AMY2B: variants seen among roughly 807,000 people sequenced by gnomAD.
AMY2B encodes amylase alpha 2B.
In AMY2B, 63 loss-of-function variants were observed where a neutral mutation model predicts 59.3. The observed-to-expected ratio is 1.06, with a 90% CI of 0.87 to 1.31. The LOEUF (loss-of-function observed/expected upper bound fraction) is 1.31, where lower values mean the gene tolerates loss of function less well. AMY2B is among the 50% of genes most tolerant of loss of function. AMY2B has a pLI of 0.00. For missense variants in AMY2B, 635 were observed against 626.7 expected, an observed-to-expected ratio of 1.01 and a Z score of -0.14; for synonymous variants, 180 against 198.1, an observed-to-expected ratio of 0.91 and a Z score of 0.77.
intron 2 of AMY2B, among the ~76,000 whole-genome samples, chr1:103,572,826 G>A (rs79395614): frequency 6.6e-6 from 1 of 152,104 alleles, no homozygotes; most frequent in African/African-American, 2.4e-5. Context: ...ATTTATGGTA[G>A]TTTCTGGTTC....
At chr1:103,571,222 C>G, upstream of AMY2B, 2 of 663,656 alleles carry the variant, frequency 3.0e-6, no homozygotes, top group African/African-American at 1.9e-5. Flanking sequence ...GCATTTATAC[C>G]TATAAATGTA....
In AMY2B at chr1:103,575,556, G is replaced by T. The variant is rs760465754; in HGVS notation, c.1101+16G>T. ...AAATGGAAACGTAAGTTTTGAAATT[G>T]TTCAAACTATCCTTTTCTCAAGAAA... On this transcript the variant is annotated intron_variant, in intron 7 of 9. Transcript: ENST00000684275. 3 of 1,612,900 alleles carry T rather than the reference G, an allele frequency of 1.9e-6. No homozygotes were observed. Among genetic ancestry groups the T allele is most frequent in the Non-Finnish European group, 2.5e-6 (3 of 1,179,510 alleles).
At chr1:103,571,085 G>A, upstream of AMY2B, 2 of 855,236 alleles carry the variant, frequency 2.3e-6, no homozygotes, top group African/African-American at 1.8e-5. Context: ...TCCTTAACCA[G>A]TTGTTTCTGT....
intron 1 of AMY2B, among the ~76,000 whole-genome samples, chr1:103,558,920 G>T (rs541858452): frequency 6.6e-6 from 1 of 151,756 alleles, no homozygotes; most frequent in South Asian, 2.1e-4. Context: ...AGTTTTTTTC[G>T]TCATTATTTT....
intron 1 of AMY2B, among the ~76,000 whole-genome samples, chr1:103,560,092 G>A (rs558140598): frequency 1.3e-5 from 2 of 152,078 alleles, no homozygotes; most frequent in Admixed American, 1.3e-4. Context: ...ACTTCTGACT[G>A]TATATAGACA....
At chr1:103,575,585 A>G in intron 7 of AMY2B, 45 bp downstream of exon 7, 1 of 1,607,236 alleles carries the variant, frequency 6.2e-7, no homozygotes. Flanking sequence ...CAAGAAACAG[A>G]AGGCAATCTT....
chr1:103,569,210 G>T (rs949826819), upstream of AMY2B: 3 of 151,692 alleles, frequency 2.0e-5, no homozygotes, highest in African/African-American at 7.3e-5. Context: ...ATGAGATTTG[G>T]GTGGGGACAC....
intron 2 of AMY2B, 32 bp downstream of exon 2, chr1:103,572,288 C>T (rs367826330): frequency 8.7e-5 from 139 of 1,602,488 alleles, no homozygotes; most frequent in Non-Finnish European, 1.1e-4. Context: ...TGAAAAATAA[C>T]AGATAGGAAA....
chr1:103,571,970 C>G, intron 1 of AMY2B, 140 bp from the exon 2 acceptor site: 2 of 1,538,202 alleles, frequency 1.3e-6, no homozygotes, highest in East Asian at 2.3e-5. Context: ...AACAAGAGCC[C>G]TCCAATGTGC....
intron 1 of AMY2B, among the ~76,000 whole-genome samples, chr1:103,558,924 T>C (rs1023584132): frequency 2.6e-5 from 4 of 152,226 alleles, no homozygotes; most frequent in South Asian, 4.1e-4. Context: ...TTTTTCGTCA[T>C]TATTTTGTAA....
chr1:103,563,088 T>G (rs1277966586), intron 1 of AMY2B, among the ~76,000 whole-genome samples: 1 of 152,040 alleles, frequency 6.6e-6, no homozygotes, highest in Non-Finnish European at 1.5e-5. Flanking sequence ...TTGAGTTAAT[T>G]CTTGATACCG....
chr1:103,559,766 T>G (rs1651675248), intron 1 of AMY2B, among the ~76,000 whole-genome samples: 1 of 152,184 alleles, frequency 6.6e-6, no homozygotes, highest in Non-Finnish European at 1.5e-5. Flanking sequence ...ATTTTTAATC[T>G]ATTAGGCAAA....
At chr1:103,579,264 C>G (rs936886379) in intron 9 of AMY2B, 47 bp from the exon 10 acceptor site, 2 of 1,611,236 alleles carry the variant, frequency 1.2e-6, no homozygotes, top group African/African-American at 2.7e-5. Context: ...AGCCTGTATT[C>G]TTGATTTTCA....
chr1:103,577,391 C>A, intron 7 of AMY2B, 99 bp from the exon 8 acceptor site: 1 of 1,590,680 alleles, frequency 6.3e-7, no homozygotes. Context: ...TCATTGAATG[C>A]AGAGACACAA....
chr1:103,572,339 A>T, intron 2 of AMY2B, 83 bp downstream of exon 2: 2 of 1,540,236 alleles, frequency 1.3e-6, no homozygotes, highest in South Asian at 2.6e-5. Context: ...TTCAGCAGAA[A>T]GTTTTCCATA....
chr1:103,558,590 A>AAAC (rs1651633749), intron 1 of AMY2B, among the ~76,000 whole-genome samples: 2 of 152,062 alleles, frequency 1.3e-5, no homozygotes, highest in South Asian at 4.2e-4. Context: ...TTAACTTTGT[A>AAAC]AACAACAACA....
At chr1:103,559,126 AGTT>A (rs906456730) in intron 1 of AMY2B, among the ~76,000 whole-genome samples, 4 of 152,232 alleles carry the variant, frequency 2.6e-5, no homozygotes, top group African/African-American at 9.6e-5. Flanking sequence ...GAACCACTGT[AGTT>A]AAACAAATAA....
intron 1 of AMY2B, among the ~76,000 whole-genome samples, chr1:103,555,765 T>A (rs1272873265): frequency 6.6e-6 from 1 of 152,124 alleles, no homozygotes; most frequent in Non-Finnish European, 1.5e-5. Context: ...TAAAGAGTCT[T>A]GCGTTCAAGG....
At chr1:103,568,258 G>GA (rs1345269318), upstream of AMY2B, 1 of 152,160 alleles carries the variant, frequency 6.6e-6, no homozygotes, top group Non-Finnish European at 1.5e-5. Context: ...ATGGATGGAT[G>GA]AAGTTTTTCC....
Sources: gnomAD v4.1 joint callset for allele counts (sites outside exome capture counted in the v4.1 genomes callset) on GRCh38, gnomAD v4.1.1 for gene constraint, MANE v1.5 for transcripts, NCBI Gene and HGNC (gene_info 2026-07-23, HGNC 2026-07-21) for gene names.